SLC2A12: variants seen among roughly 807,000 people sequenced by gnomAD.
SLC2A12 encodes the protein solute carrier family 2 member 12.
A neutral mutation model predicts 41.8 loss-of-function variants in SLC2A12; 23 were observed. That is an observed-to-expected ratio of 0.55 (90% CI 0.40 to 0.78). The LOEUF (loss-of-function observed/expected upper bound fraction) is 0.78, where lower values mean the gene tolerates loss of function less well. Ranked by LOEUF, SLC2A12 falls within the 30% of genes least tolerant of loss-of-function variation. The pLI is 0.00. For synonymous variants in SLC2A12, 295 were observed against 285.9 expected (o/e 1.03, Z -0.32); for missense variants, 654 against 745.6 (o/e 0.88, Z 1.43).
At position 134,052,593 on chromosome 6, in the gene SLC2A12, A is replaced by G; in HGVS notation, c.-113T>C. ...CATGCTAAAGAAGAGTGTGGGGAAAAACTTCGGGCAAAGCTAATGTGATTT... is the reference window on the plus strand; with the variant it reads ...CATGCTAAAGAAGAGTGTGGGGAAAGACTTCGGGCAAAGCTAATGTGATTT... On this transcript the variant is annotated 5_prime_UTR_variant, in exon 1 of 5. Coordinates refer to ENST00000275230, the MANE Select transcript of SLC2A12 (RefSeq NM_145176.3). 1 of 773,896 alleles carries G rather than the reference A, an allele frequency of 1.3e-6. No individual in the cohort carries two copies. Among genetic ancestry groups the G allele is most frequent in the Non-Finnish European group, 2.1e-6 (1 of 473,410 alleles). The allele number at this position is 773,896 out of a possible 1,614,324, so 47.9% of individuals were successfully genotyped here.
At chr6:134,052,285 A>T (rs1773699006) in intron 1 of SLC2A12, 93 bp downstream of exon 1, 1 of 1,043,418 alleles carries the variant, frequency 9.6e-7, no homozygotes, top group South Asian at 1.4e-5. Context: ...ACACACACAC[A>T]CACACACACA....
chr6:134,027,238 G>GT (rs145474596), intron 2 of SLC2A12, among the ~76,000 whole-genome samples: 2,237 of 152,266 alleles, frequency 0.015, 28 homozygotes, highest in Non-Finnish European at 0.024. Flanking sequence ...TAGTTAATGA[G>GT]TTAGCAGTGG....
intron 4 of SLC2A12, 144 bp downstream of exon 4, chr6:134,001,853 T>C (rs1776757403): frequency 1.3e-6 from 1 of 765,792 alleles, no homozygotes; most frequent in Non-Finnish European, 1.9e-6. Flanking sequence ...ATTGGAATTA[T>C]GCACTGAGAC....
intron 2 of SLC2A12, among the ~76,000 whole-genome samples, chr6:134,011,247 G>A (rs1056065331): frequency 6.6e-6 from 1 of 152,106 alleles, no homozygotes; most frequent in African/African-American, 2.4e-5. Flanking sequence ...GAATTTGAGA[G>A]GGACTGTGCC....
chr6:134,038,132 T>C (rs1777328637), intron 1 of SLC2A12, among the ~76,000 whole-genome samples: 1 of 152,166 alleles, frequency 6.6e-6, no homozygotes, highest in Non-Finnish European at 1.5e-5. Flanking sequence ...TATAGAAATG[T>C]TGCGATCTTT....
chr6:134,029,151 A>G lies in SLC2A12; in HGVS notation c.674T>C (p.Val225Ala), dbSNP rs750692611. 1.2e-6 allele frequency: 2 copies of G among 1,614,004 alleles called. No homozygotes were observed. Among genetic ancestry groups the G allele is most frequent in the Non-Finnish European group, 1.7e-6 (2 of 1,180,014 alleles). ...YFLPPSPRFL[V>A]MKGQEGAASK... ...AGCAGCTCCCTCTTGTCCTTTCATC[A>G]CCAGAAACCGAGGGCTTGGAGGAAG... The change falls in exon 2 of 5, where the codon GTG becomes GCG. Residue 225 changes from valine to alanine, a missense_variant. Val to Ala is a moderately conservative substitution (Grantham distance 64). Around this residue, in one of 3 missense-constraint regions of SLC2A12, gnomAD observed 411 missense variants for 412.1 expected, o/e 1.00. Transcript: ENST00000275230.
chr6:134,019,410 GATT>G (rs1777011443), intron 2 of SLC2A12, among the ~76,000 whole-genome samples: 1 of 152,178 alleles, frequency 6.6e-6, no homozygotes, highest in South Asian at 2.1e-4. Flanking sequence ...AAGAATCTGT[GATT>G]CTACGTTGTG....
intron 4 of SLC2A12, among the ~76,000 whole-genome samples, chr6:134,001,772 G>T (rs1246308432): frequency 1.4e-5 from 2 of 138,970 alleles, no homozygotes; most frequent in African/African-American, 5.4e-5. Context: ...AAAAAAAAAA[G>T]CTTCATTCAT....
intron 2 of SLC2A12, among the ~76,000 whole-genome samples, chr6:134,027,831 T>C (rs1228730834): frequency 2.0e-5 from 3 of 152,226 alleles, no homozygotes; most frequent in Non-Finnish European, 4.4e-5. Context: ...ACTTTCATGC[T>C]TCTGTTTAAT....
At chr6:134,052,011 G>A (rs765117611) in intron 1 of SLC2A12, among the ~76,000 whole-genome samples, 1 of 152,122 alleles carries the variant, frequency 6.6e-6, no homozygotes, top group Non-Finnish European at 1.5e-5. Flanking sequence ...TTACAAATGA[G>A]ACTATCTTTG....
intron 2 of SLC2A12, among the ~76,000 whole-genome samples, chr6:134,017,566 A>G (rs1279247569): frequency 6.6e-6 from 1 of 152,140 alleles, no homozygotes; most frequent in African/African-American, 2.4e-5. Context: ...AAGAGTGGAC[A>G]TTTAGGCCGG....
intron 2 of SLC2A12, among the ~76,000 whole-genome samples, chr6:134,027,299 T>A (rs1777127029): frequency 6.6e-6 from 1 of 152,228 alleles, no homozygotes; most frequent in Non-Finnish European, 1.5e-5. Context: ...CCCTGTCCAG[T>A]ACCTAGAACC....
At chr6:134,031,753 T>C (rs1777211320) in intron 1 of SLC2A12, among the ~76,000 whole-genome samples, 1 of 152,136 alleles carries the variant, frequency 6.6e-6, no homozygotes, top group African/African-American at 2.4e-5. Context: ...CAGGTAAAAA[T>C]GTTAAGTAGG....
chr6:134,032,418 ATATATATT>A (rs1321952145), intron 1 of SLC2A12, among the ~76,000 whole-genome samples: 1 of 33,112 alleles, frequency 3.0e-5, no homozygotes, highest in African/African-American at 1.3e-4. Flanking sequence ...ATATATATAT[ATATATATT>A]TATATATATA....
At chr6:134,044,713 TAAAAA>T (rs35658583) in intron 1 of SLC2A12, among the ~76,000 whole-genome samples, 1 of 100,526 alleles carries the variant, frequency 9.9e-6, no homozygotes, top group Non-Finnish European at 1.9e-5. Context: ...AAACTCCGTC[TAAAAA>T]AAAAAAAAAA....
chr6:133,992,792 A>G (rs1344946687), intron 4 of SLC2A12, among the ~76,000 whole-genome samples: 1 of 152,142 alleles, frequency 6.6e-6, no homozygotes, highest in Non-Finnish European at 1.5e-5. Context: ...CCAGTACTTG[A>G]GGAAGTGGGC....
At chr6:134,014,893 A>T (rs559598463) in intron 2 of SLC2A12, among the ~76,000 whole-genome samples, 1 of 152,372 alleles carries the variant, frequency 6.6e-6, no homozygotes, top group South Asian at 2.1e-4. Context: ...TTTAAACTCT[A>T]GTTCTATTAG....
chr6:134,022,741 AG>A (rs1463300176), intron 2 of SLC2A12, among the ~76,000 whole-genome samples: 1 of 152,214 alleles, frequency 6.6e-6, no homozygotes, highest in Non-Finnish European at 1.5e-5. Flanking sequence ...CTGGTGTGAA[AG>A]TTGCCAATAC....
chr6:134,031,838 A>C (rs535853997), intron 1 of SLC2A12, among the ~76,000 whole-genome samples: 2 of 152,184 alleles, frequency 1.3e-5, no homozygotes, highest in Admixed American at 1.3e-4. Context: ...AGCAGCACAC[A>C]TTTGGTATTT....
Sources: gnomAD v4.1 joint callset for allele counts (sites outside exome capture counted in the v4.1 genomes callset) on GRCh38, gnomAD v4.1.1 for gene constraint, gnomAD v4.1.1 regional missense constraint, MANE v1.5 for transcripts, NCBI Gene and HGNC (gene_info 2026-07-23, HGNC 2026-07-21) for gene names.